The following ADGRL3 variants were observed in gnomAD, a reference collection of about 807,000 sequenced individuals.
ADGRL3 encodes adhesion G protein-coupled receptor L3.
Under a neutral mutation model 153.5 loss-of-function variants are expected in ADGRL3, and 62 were observed. The observed-to-expected ratio is 0.40, with a 90% confidence interval of 0.33 to 0.50. The LOEUF (loss-of-function observed/expected upper bound fraction) is 0.50. Ranked by LOEUF, ADGRL3 falls within the 20% of genes least tolerant of loss-of-function variation. The probability of loss-of-function intolerance (pLI) is 0.47; values close to 1 mark genes in which losing one functional copy is unlikely to be tolerated. For missense variants in ADGRL3, 1,641 were observed against 1,859.4 expected, an observed-to-expected ratio of 0.88 and a Z score of 2.16; for synonymous variants, 710 against 672.5, an observed-to-expected ratio of 1.06 and a Z score of -0.86.
intron 6 of ADGRL3, among the ~76,000 whole-genome samples, chr4:61,726,210 G>GTTTTTTTT (rs149472429): frequency 7.6e-5 from 9 of 118,512 alleles, no homozygotes; most frequent in Non-Finnish European, 1.4e-4. Flanking sequence ...TTTTTTTTTT[G>GTTTTTTTT]TTTTTTGAGA....
chr4:61,263,915 G>A (rs974090427), intron 1 of ADGRL3, among the ~76,000 whole-genome samples: 23 of 150,374 alleles, frequency 1.5e-4, no homozygotes, highest in South Asian at 1.3e-3. Flanking sequence ...TTTTCATTTC[G>A]TTCCAGGTTA....
chr4:61,704,332 A>G (rs2095819792), intron 6 of ADGRL3, among the ~76,000 whole-genome samples: 2 of 152,202 alleles, frequency 1.3e-5, no homozygotes, highest in South Asian at 2.1e-4. Flanking sequence ...AATAAAGAAA[A>G]TCATATAAAT....
intron 3 of ADGRL3, among the ~76,000 whole-genome samples, chr4:61,510,469 G>A (rs1434632474): frequency 6.6e-6 from 1 of 152,030 alleles, no homozygotes; most frequent in Admixed American, 6.6e-5. Context: ...TCATTATTTT[G>A]CATACATGGC....
At chr4:61,699,174 G>T (rs958735406) in intron 6 of ADGRL3, among the ~76,000 whole-genome samples, 7 of 152,030 alleles carry the variant, frequency 4.6e-5, no homozygotes, top group Non-Finnish European at 1.0e-4. Flanking sequence ...GGAAAAATGA[G>T]GTGAAGGAGA....
At chr4:61,236,043 T>C (rs1290787531) in intron 1 of ADGRL3, among the ~76,000 whole-genome samples, 2 of 138,676 alleles carry the variant, frequency 1.4e-5, no homozygotes, top group African/African-American at 5.4e-5. Context: ...TGAGTTGTGC[T>C]CTGTTGCCCA....
chr4:61,739,425 C>T (rs2096557572), intron 8 of ADGRL3, among the ~76,000 whole-genome samples: 1 of 152,052 alleles, frequency 6.6e-6, no homozygotes, highest in Admixed American at 6.6e-5. Context: ...TCTCGAGCCT[C>T]AGCCCCCTGA....
Position 61,945,860 on chromosome 4 carries a change from G to A in ADGRL3, c.2420-1054G>A, listed in dbSNP as rs1052320563. ...TGGCACTCCTTAGTGAGATGAACCC[G>A]GTACCTCAGATGGAAATGCAGAAAT... On this transcript the variant is annotated intron_variant, in intron 15 of 26. Transcript: ENST00000683033. 1.1e-3 allele frequency among the ~76,000 whole-genome samples: 165 copies of A among 152,128 alleles called. 1 individual carries two copies. The highest frequency in any genetic ancestry group is 2.5e-3 in the Admixed American group (38 of 15,286).
chr4:61,234,316 A>C (rs540317446), intron 1 of ADGRL3, among the ~76,000 whole-genome samples: 1 of 152,156 alleles, frequency 6.6e-6, no homozygotes, highest in African/African-American at 2.4e-5. Flanking sequence ...AAGTGGAAAC[A>C]CCTGATAAAC....
In ADGRL3 at chr4:61,723,518, C is replaced by T. The variant is rs186065150; in HGVS notation, c.584-7104C>T. Among the ~76,000 whole-genome samples, 458 of 152,196 alleles carry T rather than the reference C, an allele frequency of 3.0e-3. 17 individuals are homozygous for T. The highest frequency in any genetic ancestry group is 0.028 in the Admixed American group (431 of 15,274). On this transcript the variant is annotated intron_variant, in intron 6 of 26. Coordinates refer to ENST00000683033, the MANE Select transcript of ADGRL3 (RefSeq NM_001387552.1). ...AGTTATACTGGGAGGCTGGAGGAGG[C>T]GGTGTCTGATTTGCATAGGGCCCAG...
At position 61,253,218 on chromosome 4, in the gene ADGRL3, G is replaced by T. The variant is rs190758178; in HGVS notation, c.-240+51453G>T. 5.6e-3 allele frequency among the ~76,000 whole-genome samples: 852 copies of T among 152,262 alleles called. 8 individuals are homozygous for T. The highest frequency in any genetic ancestry group is 0.01 in the Non-Finnish European group (704 of 68,032). ...TCAAGAATTAACCTGCCAGAAATTT[G>T]CAAACACAGCAAAGTTATGTTAATG... is the stretch of plus-strand genomic sequence containing the variant. On this transcript the variant is annotated intron_variant, in intron 1 of 26. Transcript: ENST00000683033.
At chr4:61,229,805 G>A (rs1385487171) in intron 1 of ADGRL3, among the ~76,000 whole-genome samples, 1 of 152,054 alleles carries the variant, frequency 6.6e-6, no homozygotes, top group African/African-American at 2.4e-5. Flanking sequence ...TACTTGGGAG[G>A]CTGAGGCTGG....
At chr4:61,756,295 T>C (rs1230549164) in intron 8 of ADGRL3, among the ~76,000 whole-genome samples, 7 of 152,206 alleles carry the variant, frequency 4.6e-5, no homozygotes, top group Admixed American at 6.5e-5. Context: ...TTTATTTCAT[T>C]GAGCAGTGGT....
At chr4:61,672,049 T>C (rs556320444) in intron 5 of ADGRL3, among the ~76,000 whole-genome samples, 1 of 152,298 alleles carries the variant, frequency 6.6e-6, no homozygotes, top group South Asian at 2.1e-4. Context: ...TACAGAAGCT[T>C]TGTAGTTAGA....
chr4:61,367,228 CTT>C (rs554213066), intron 1 of ADGRL3, among the ~76,000 whole-genome samples: 3 of 146,638 alleles, frequency 2.0e-5, no homozygotes, highest in African/African-American at 7.5e-5. Context: ...AAAACTGTCG[CTT>C]TTTTTTTTAT....
chr4:61,894,576 A>T (rs905579376), intron 10 of ADGRL3, among the ~76,000 whole-genome samples: 3 of 152,202 alleles, frequency 2.0e-5, no homozygotes, highest in Non-Finnish European at 4.4e-5. Context: ...TTTGAAGATT[A>T]GTGAAACACT....
chr4:61,494,110 G>T, intron 2 of ADGRL3, among the ~76,000 whole-genome samples: 1 of 149,798 alleles, frequency 6.7e-6, no homozygotes. Flanking sequence ...CTACAGTATG[G>T]GTTGTGAGAA....
At chr4:61,617,055 C>G (rs2092083678) in intron 5 of ADGRL3, among the ~76,000 whole-genome samples, 1 of 152,130 alleles carries the variant, frequency 6.6e-6, no homozygotes, top group Non-Finnish European at 1.5e-5. Context: ...GTACAGTGAA[C>G]ACTCCTTATA....
intron 4 of ADGRL3, among the ~76,000 whole-genome samples, chr4:61,561,644 A>C (rs960799946): frequency 5.9e-5 from 9 of 152,150 alleles, no homozygotes; most frequent in Non-Finnish European, 1.3e-4. Context: ...GAGAAAACAA[A>C]TATTTTCTGC....
intron 8 of ADGRL3, among the ~76,000 whole-genome samples, chr4:61,752,006 T>C (rs542207671): frequency 9.2e-5 from 14 of 152,306 alleles, no homozygotes; most frequent in African/African-American, 2.9e-4. Context: ...CCAGGATTGA[T>C]TTAACTGACC....
Sources: gnomAD v4.1 joint callset for allele counts (sites outside exome capture counted in the v4.1 genomes callset) on GRCh38, gnomAD v4.1.1 for gene constraint, MANE v1.5 for transcripts, NCBI Gene and HGNC (gene_info 2026-07-23, HGNC 2026-07-21) for gene names.